The following CACNA1C variants were observed in gnomAD, a reference collection of about 807,000 sequenced individuals.
CACNA1C encodes calcium voltage-gated channel subunit alpha1 C.
CACNA1C carries 30 observed loss-of-function variants against 229.0 expected under a neutral mutation model. That is an observed-to-expected ratio of 0.13 (90% CI 0.10 to 0.18). The LOEUF (loss-of-function observed/expected upper bound fraction) is 0.18. CACNA1C is among the 10% of genes least tolerant of loss of function. CACNA1C has a pLI of 1.00. For synonymous variants in CACNA1C, 1,114 were observed against 1,132.5 expected, an observed-to-expected ratio of 0.98 and a Z score of 0.33; for missense variants, 1,658 against 2,845.0, an observed-to-expected ratio of 0.58 and a Z score of 9.49.
chr12:2,418,693 C>G (rs2098941981), intron 3 of CACNA1C, among the ~76,000 whole-genome samples: 1 of 152,218 alleles, frequency 6.6e-6, no homozygotes, highest in Non-Finnish European at 1.5e-5. Context: ...CTTGGGCAAT[C>G]CTGATCAGTG....
intron 5 of CACNA1C, among the ~76,000 whole-genome samples, chr12:2,481,664 T>TGTGCTGTTTG (rs1424711373): frequency 1.3e-5 from 2 of 152,390 alleles, no homozygotes; most frequent in East Asian, 3.9e-4. Context: ...TTCTAGGTTA[T>TGTGCTGTTTG]GTGCTGTTTG....
intron 9 of CACNA1C, among the ~76,000 whole-genome samples, chr12:2,525,809 C>T (rs1423627092): frequency 6.6e-6 from 1 of 152,188 alleles, no homozygotes; most frequent in African/African-American, 2.4e-5. Context: ...TTTCTACCCT[C>T]ATATAATAGG....
chr12:2,260,624 G>T (rs999609797), intron 3 of CACNA1C, among the ~76,000 whole-genome samples: 1 of 152,182 alleles, frequency 6.6e-6, no homozygotes, highest in Non-Finnish European at 1.5e-5. Flanking sequence ...TCCTGGAGTC[G>T]GGGTAGCATC....
chr12:2,577,958 T>C (rs1445582038), intron 13 of CACNA1C, among the ~76,000 whole-genome samples: 7 of 149,384 alleles, frequency 4.7e-5, no homozygotes, highest in Admixed American at 1.3e-4. Context: ...AAGCTCCGCC[T>C]CCCGGGTTCA....
chr12:2,447,565 CAA>C (rs35935057), intron 3 of CACNA1C, among the ~76,000 whole-genome samples: 36,346 of 152,022 alleles, frequency 0.24, 4,409 homozygotes, highest in South Asian at 0.28. Context: ...TTTGCATCCT[CAA>C]ACTGCTTCAC....
At chr12:2,302,789 C>G (rs1363614256) in intron 3 of CACNA1C, among the ~76,000 whole-genome samples, 1 of 152,214 alleles carries the variant, frequency 6.6e-6, no homozygotes, top group Non-Finnish European at 1.5e-5. Flanking sequence ...AGTAAATATT[C>G]CCTCATGAGA....
chr12:2,413,339 T>G (rs1000184769), intron 3 of CACNA1C, among the ~76,000 whole-genome samples: 2 of 152,260 alleles, frequency 1.3e-5, no homozygotes, highest in Non-Finnish European at 2.9e-5. Context: ...TTTGAATGAC[T>G]GCATGAACAA....
chr12:2,501,950 C>T (rs547048350), intron 7 of CACNA1C, among the ~76,000 whole-genome samples: 4 of 152,236 alleles, frequency 2.6e-5, no homozygotes, highest in African/African-American at 4.8e-5. Context: ...TAACAATTGC[C>T]GACTTCTGCA....
At chr12:2,641,706 C>T (rs748778665) in intron 30 of CACNA1C, 1 of 702,474 alleles carries the variant, frequency 1.4e-6, no homozygotes, top group Non-Finnish European at 2.6e-6. Context: ...GATCATTGTA[C>T]CTTGAAGAGA....
rs1237213262 is a variant in CACNA1C, at chr12:2,649,308, G to A, written c.3945+801G>A. ...GCTGCCGTTATGCATTTCTAACCGGGCCAAGTATGAGTTTTTAGAAGGACC... is the reference window on the plus strand; with the variant it reads ...GCTGCCGTTATGCATTTCTAACCGGACCAAGTATGAGTTTTTAGAAGGACC... On this transcript the variant is annotated intron_variant, in intron 31 of 46. Coordinates refer to ENST00000399655, the MANE Select transcript of CACNA1C (RefSeq NM_000719.7). This position sits in a 1 kb window ranked among gnomAD's most constrained non-coding sequence, Gnocchi z 4.4. 6.6e-6 allele frequency among the ~76,000 whole-genome samples: 1 copy of A among 152,194 alleles called. No individual in the cohort carries two copies. Among genetic ancestry groups the A allele is most frequent in the Non-Finnish European group, 1.5e-5 (1 of 68,040 alleles).
intron 3 of CACNA1C, among the ~76,000 whole-genome samples, chr12:2,136,121 C>G (rs929960372): frequency 1.3e-5 from 2 of 151,348 alleles, no homozygotes; most frequent in African/African-American, 4.8e-5. Context: ...ACTCCCTGAC[C>G]GCTTGCGCTT....
rs577895365 is a variant in CACNA1C at position 2,540,130 on chromosome 12, G to A, written c.1391-9813G>A. On this transcript the variant is annotated intron_variant, in intron 9 of 46. Transcript: ENST00000399655. ...TCTCTCCTCGGGTCCACCCACGGAC[G>A]TCCTGCTAGTGCTGCCCATGGGCCG... Among the ~76,000 whole-genome samples, 20 of 152,274 alleles carry A rather than the reference G, an allele frequency of 1.3e-4. No individual in the cohort carries two copies. In the East Asian group the frequency reaches 2.9e-3, roughly 22 times the overall value.
chr12:2,440,537 G>C (rs2099212251), intron 3 of CACNA1C, among the ~76,000 whole-genome samples: 1 of 152,188 alleles, frequency 6.6e-6, no homozygotes, highest in Non-Finnish European at 1.5e-5. Flanking sequence ...CATAGGTGGA[G>C]ATCCCAGGAG....
At chr12:2,032,344 A>G (rs2048378541) in intron 1 of CACNA1C, among the ~76,000 whole-genome samples, 2 of 152,018 alleles carry the variant, frequency 1.3e-5, no homozygotes, top group African/African-American at 2.4e-5. Context: ...TTTTGGGTGT[A>G]CCCTAGGGGC....
intron 3 of CACNA1C, among the ~76,000 whole-genome samples, chr12:2,366,283 A>G (rs2154535117): frequency 6.6e-6 from 1 of 152,358 alleles, no homozygotes; most frequent in South Asian, 2.1e-4. Flanking sequence ...ATGTAGGTAA[A>G]GTGCCCAAAA....
intron 1 of CACNA1C, among the ~76,000 whole-genome samples, chr12:2,106,372 C>A (rs1346330262): frequency 1.6e-4 from 8 of 51,370 alleles, no homozygotes; most frequent in African/African-American, 5.5e-4. Flanking sequence ...AGCCACTGGG[C>A]GCCCACCCCG....
Position 2,122,745 on chromosome 12 carries a change from C to A in CACNA1C, c.477+2315C>A, listed in dbSNP as rs900643020. On this transcript the variant is annotated intron_variant, in intron 3 of 46. Transcript: ENST00000399655. ...GTGTCCACAGATTTAAGTTACCTTT[C>A]CAAGTAAATTGTTGCTAAGACTGAC... 7.2e-5 allele frequency among the ~76,000 whole-genome samples: 11 copies of A among 152,232 alleles called. 1 individual carries two copies. Among genetic ancestry groups the A allele is most frequent in the Admixed American group, 7.2e-4 (11 of 15,282 alleles).
intron 3 of CACNA1C, among the ~76,000 whole-genome samples, chr12:2,231,087 T>C (rs889338156): frequency 6.6e-6 from 1 of 152,208 alleles, no homozygotes; most frequent in Non-Finnish European, 1.5e-5. Context: ...TTAAGCCCCT[T>C]TCTTCCCATA....
chr12:2,587,592 G>C (rs1247673636), intron 18 of CACNA1C, among the ~76,000 whole-genome samples: 1 of 152,108 alleles, frequency 6.6e-6, no homozygotes, highest in Non-Finnish European at 1.5e-5. Context: ...TCAAAGAGAA[G>C]AATGTTAATT....
Sources: gnomAD v4.1 joint callset for allele counts (sites outside exome capture counted in the v4.1 genomes callset) on GRCh38, gnomAD v4.1.1 for gene constraint, Gnocchi (gnomAD v3.1) non-coding constraint, MANE v1.5 for transcripts, NCBI Gene and HGNC (gene_info 2026-07-23, HGNC 2026-07-21) for gene names.